Variants in OLFM3 observed in about 807,000 individuals in gnomAD.
OLFM3 encodes the protein noelin-3.
A neutral mutation model predicts 48.6 loss-of-function variants in OLFM3; 20 were observed. The observed-to-expected ratio is 0.41, with a 90% CI of 0.29 to 0.60. The LOEUF is 0.60. Among genes scored for constraint, OLFM3 ranks in the 20% least tolerant of loss-of-function variants. The pLI, the probability that OLFM3 is intolerant of heterozygous loss-of-function variation, is 0.28. For synonymous variants in OLFM3, 222 were observed against 198.1 expected (o/e 1.12, Z -1.01); for missense variants, 437 against 544.3 (o/e 0.80, Z 1.96).
At chr1:101,859,812 T>C (rs911751791) in intron 1 of OLFM3, 2 of 152,102 alleles carry the variant, frequency 1.3e-5, no homozygotes, top group Non-Finnish European at 2.9e-5. Context: ...TTGAGGATCT[T>C]GTGAAAATGT....
In OLFM3 at chr1:101,893,593, G is replaced by A. The variant is rs1467895091; in HGVS notation, c.70-56568C>T. ...GACCATGCTGTTTTTACTTGACAAA[G>A]AAAAGACCTTTTCATATGTATGGAT... On this transcript the variant is annotated intron_variant, in intron 1 of 5. Coordinates refer to ENST00000370103, the MANE Select transcript of OLFM3 (RefSeq NM_058170.4). 8 of 248,652 alleles carry A rather than the reference G, an allele frequency of 3.2e-5. No homozygotes were observed. In the Admixed American group the frequency reaches 3.5e-4, roughly 11 times the overall value. 15.4% of individuals were successfully genotyped at this position (248,652 alleles called of 1,614,324 possible).
At chr1:101,845,349 AT>A (rs1655944258) in intron 1 of OLFM3, among the ~76,000 whole-genome samples, 1 of 152,114 alleles carries the variant, frequency 6.6e-6, no homozygotes, top group Admixed American at 6.5e-5. Context: ...TAAGAGAATC[AT>A]GTATAATTTT....
intron 1 of OLFM3, among the ~76,000 whole-genome samples, chr1:101,904,452 A>G (rs1273355223): frequency 3.3e-5 from 5 of 152,092 alleles, no homozygotes; most frequent in Admixed American, 6.6e-5. Context: ...AGCCTGACGC[A>G]TGGTCCATAA....
In OLFM3 at chr1:101,986,026, C is replaced by T. The variant is rs367919652; in HGVS notation, c.69+10722G>A. 2.0e-5 allele frequency among the ~76,000 whole-genome samples: 3 copies of T among 147,852 alleles called. No homozygotes were observed. The South Asian group carries it at 6.4e-4, about 32-fold the overall frequency. On this transcript the variant is annotated intron_variant, in intron 1 of 5. Coordinates refer to ENST00000370103, the MANE Select transcript of OLFM3 (RefSeq NM_058170.4). ...TGTCCCCCAGGCTGGAGTGCAGTGG[C>T]GCGATCTCGGCTCACTGCAAGCTCC... is the stretch of plus-strand genomic sequence containing the variant.
In OLFM3 at chr1:101,931,648, A is replaced by T. The variant is rs1283965063; in HGVS notation, c.69+65100T>A. Among the ~76,000 whole-genome samples, 3 of 152,216 alleles carry T rather than the reference A, an allele frequency of 2.0e-5. No homozygotes were observed. The East Asian group carries it at 5.8e-4, about 29-fold the overall frequency. ...CATAGCTATACTGAGCAGATGCCTG[A>T]TTATTAATGGGAAGTGGGAGAAGAT... On this transcript the variant is annotated intron_variant, in intron 1 of 5. Transcript: ENST00000370103.
At chr1:101,855,272 G>A (rs977337737) in intron 1 of OLFM3, among the ~76,000 whole-genome samples, 11 of 151,974 alleles carry the variant, frequency 7.2e-5, no homozygotes, top group Non-Finnish European at 1.5e-4. Context: ...AGACAAACCC[G>A]ATGAGGTAGT....
intron 1 of OLFM3, among the ~76,000 whole-genome samples, chr1:101,848,470 C>G (rs1040724073): frequency 2.0e-5 from 3 of 151,142 alleles, no homozygotes; most frequent in Admixed American, 6.6e-5. Context: ...AAAGACTCCT[C>G]AAATCTTCCT....
intron 4 of OLFM3, among the ~76,000 whole-genome samples, chr1:101,819,344 G>T (rs1210119678): frequency 2.6e-5 from 4 of 152,108 alleles, no homozygotes; most frequent in Non-Finnish European, 5.9e-5. Flanking sequence ...AGCATGCAAA[G>T]GTGTTTGGAT....
At chr1:101,916,029 C>T (rs904965773) in intron 1 of OLFM3, among the ~76,000 whole-genome samples, 8 of 152,012 alleles carry the variant, frequency 5.3e-5, no homozygotes, top group African/African-American at 1.9e-4. Flanking sequence ...ACAAAAAGAC[C>T]GAATTGACGC....
intron 1 of OLFM3, among the ~76,000 whole-genome samples, chr1:101,870,820 A>C (rs569914528): frequency 2.6e-5 from 4 of 152,208 alleles, no homozygotes; most frequent in African/African-American, 9.6e-5. Context: ...TTTCTTCCCC[A>C]CATGCTGTGG....
At chr1:101,884,851 T>C (rs986437913) in intron 1 of OLFM3, among the ~76,000 whole-genome samples, 4 of 151,950 alleles carry the variant, frequency 2.6e-5, no homozygotes. Flanking sequence ...ACCCCATGAG[T>C]TCAATACCAA....
chr1:101,964,405 T>G (rs1660554524), intron 1 of OLFM3, among the ~76,000 whole-genome samples: 1 of 152,192 alleles, frequency 6.6e-6, no homozygotes. Context: ...GAATTTTCAG[T>G]GGAAAATACA....
At chr1:101,806,258 A>G in intron 4 of OLFM3, 76 bp from the exon 5 acceptor site, 5 of 1,076,870 alleles carry the variant, frequency 4.6e-6, no homozygotes, top group Non-Finnish European at 7.1e-6. Context: ...ACTAAGAGCA[A>G]AGAAGGGGAT....
chr1:101,844,022 T>C (rs920328702), intron 1 of OLFM3, among the ~76,000 whole-genome samples: 1 of 152,198 alleles, frequency 6.6e-6, no homozygotes. Flanking sequence ...TTTACTACTT[T>C]ACAGCAATAC....
At chr1:101,958,025 T>C (rs556994576) in intron 1 of OLFM3, among the ~76,000 whole-genome samples, 2 of 152,208 alleles carry the variant, frequency 1.3e-5, no homozygotes, top group East Asian at 3.9e-4. Context: ...GAATGAGCTG[T>C]AGAGTTGCTA....
chr1:101,874,882 T>C (rs1657237560), intron 1 of OLFM3, among the ~76,000 whole-genome samples: 2 of 151,960 alleles, frequency 1.3e-5, no homozygotes, highest in Admixed American at 6.6e-5. Flanking sequence ...CAGCTGGAAT[T>C]TTCCCATCCT....
At chr1:101,910,276 C>T (rs773938800) in intron 1 of OLFM3, 4 of 224,602 alleles carry the variant, frequency 1.8e-5, no homozygotes, top group Non-Finnish European at 3.0e-5. Flanking sequence ...ACCATTCTGG[C>T]TAACACGCTG....
chr1:101,899,636 T>G (rs1658326284), intron 1 of OLFM3, among the ~76,000 whole-genome samples: 1 of 152,122 alleles, frequency 6.6e-6, no homozygotes, highest in South Asian at 2.1e-4. Context: ...AACTTTTATA[T>G]CATAAATTCA....
At chr1:101,914,401 A>G (rs1248754098) in intron 1 of OLFM3, among the ~76,000 whole-genome samples, 1 of 152,196 alleles carries the variant, frequency 6.6e-6, no homozygotes, top group African/African-American at 2.4e-5. Context: ...TGTTTTCTAC[A>G]ACTTGCTAAT....
Sources: allele counts gnomAD v4.1 joint callset (sites outside exome capture counted in the v4.1 genomes callset), GRCh38; gene constraint gnomAD v4.1.1; transcripts MANE v1.5; gene names NCBI Gene and HGNC (gene_info 2026-07-23, HGNC 2026-07-21).